Variants in NBPF8 observed in about 807,000 individuals in gnomAD.
The protein encoded by NBPF8 is NBPF member 8.
upstream of NBPF8, among the ~76,000 whole-genome samples, chr1:120,415,369 G>A (rs1553244968): frequency 3.6e-3 from 542 of 151,842 alleles, 2 homozygotes; most frequent in Admixed American, 6.1e-3. Flanking sequence ...TTTGTTGCGA[G>A]CGACGGAGGG....
At chr1:120,415,233 G>A (rs1428949174), upstream of NBPF8, among the ~76,000 whole-genome samples, 1 of 152,190 alleles carries the variant, frequency 6.6e-6, no homozygotes, top group African/African-American at 2.4e-5. Flanking sequence ...CCATCTGGAT[G>A]GGAAGTTACG....
chr1:120,425,733 TTTTA>T, intron 1 of NBPF8, among the ~76,000 whole-genome samples: 1 of 148,292 alleles, frequency 6.7e-6, no homozygotes, highest in Middle Eastern at 3.4e-3. Context: ...ACTGAACCAT[TTTTA>T]TTCTTCCAGA....
intron 1 of NBPF8, among the ~76,000 whole-genome samples, chr1:120,420,865 C>A (rs1285708158): frequency 3.4e-5 from 5 of 148,222 alleles, no homozygotes; most frequent in African/African-American, 1.3e-4. Context: ...ATGGAACCCA[C>A]CACTGCAGGC....
At chr1:120,463,209 G>A (rs1168682071) in intron 21 of NBPF8, among the ~76,000 whole-genome samples, 38 of 145,282 alleles carry the variant, frequency 2.6e-4, no homozygotes, top group African/African-American at 9.5e-4. Flanking sequence ...CCCGCTCTCA[G>A]CACATTGGAC....
intron 13 of NBPF8, among the ~76,000 whole-genome samples, chr1:120,452,825 C>G (rs1203027617): frequency 6.6e-6 from 1 of 152,136 alleles, no homozygotes; most frequent in African/African-American, 2.4e-5. Flanking sequence ...GATGAAGGCC[C>G]TCGCCGTGTG....
chr1:120,453,962 G>T (rs1364183370), exon 15 of NBPF8: 1 of 1,609,060 alleles, frequency 6.2e-7, no homozygotes, highest in Non-Finnish European at 8.5e-7. Flanking sequence ...CTGGAGGAAT[G>T]TGCCATCACT....
chr1:120,456,313 AT>A (rs1164255003), intron 16 of NBPF8, among the ~76,000 whole-genome samples: 7 of 150,276 alleles, frequency 4.7e-5, no homozygotes, highest in Non-Finnish European at 8.8e-5. Context: ...CAAGTCCTGG[AT>A]ATCCTTGTTA....
chr1:120,460,547 G>C, intron 17 of NBPF8, 26 bp from the exon 16 acceptor site: 1 of 1,329,750 alleles, frequency 7.5e-7, no homozygotes, highest in Non-Finnish European at 1.1e-6. Flanking sequence ...CTTAATGTAA[G>C]AGGGCCCATA....
At chr1:120,464,175 G>GTCTGTC (rs1553250604) in intron 22 of NBPF8, among the ~76,000 whole-genome samples, 5 of 85,752 alleles carry the variant, frequency 5.8e-5, no homozygotes, top group East Asian at 6.0e-4. Context: ...GTGTGTGTGT[G>GTCTGTC]TGTCTGTCTG....
At chr1:120,436,509 C>G (rs1291574744) in exon 1 of NBPF8, 1 of 1,504,988 alleles carries the variant, frequency 6.6e-7, no homozygotes, top group East Asian at 2.3e-5. Flanking sequence ...ACCTCTTCTG[C>G]CACAAACGTC....
chr1:120,460,734 C>A (rs61807118), intron 18 of NBPF8, 110 bp downstream of exon 16: 22 of 984,412 alleles, frequency 2.2e-5, no homozygotes, highest in Non-Finnish European at 3.2e-5. Context: ...TCAGACAAGT[C>A]TGAATTACGC....
At chr1:120,460,278 T>G (rs1430343745) in intron 17 of NBPF8, among the ~76,000 whole-genome samples, 1 of 152,170 alleles carries the variant, frequency 6.6e-6, no homozygotes, top group Non-Finnish European at 1.5e-5. Flanking sequence ...GTGTTAGAAC[T>G]ATTTGCCTAC....
At position 120,436,700 on chromosome 1, in the gene NBPF8, A is replaced by C. The variant is rs1185800296; in HGVS notation, n.345+3A>C. On this transcript the variant is annotated splice_donor_region_variant and intron_variant and non_coding_transcript_variant, in intron 1 of 24. Coordinates refer to ENST00000583271, the Ensembl canonical transcript of NBPF8. ...GGCCAACCGACAGAAGAAATACAGT[A>C]AGATCTATAGGCTCACCGTCATGAA... 1.6e-6 allele frequency: 2 copies of C among 1,254,238 alleles called. No individual in the cohort carries two copies. Among genetic ancestry groups the C allele is most frequent in the Admixed American group, 1.7e-5 (1 of 57,852 alleles). 77.7% of individuals were successfully genotyped at this position (1,254,238 alleles called of 1,614,324 possible). A position where few individuals can be genotyped will look rare whatever the true frequency, so the allele number is the denominator to read the frequency against.
chr1:120,422,937 A>G (rs1378631172), intron 1 of NBPF8, among the ~76,000 whole-genome samples: 20 of 94,662 alleles, frequency 2.1e-4, no homozygotes, highest in African/African-American at 1.1e-3. Flanking sequence ...TATCTTATTA[A>G]TGAGGTGTTC....
intron 11 of NBPF8, among the ~76,000 whole-genome samples, chr1:120,450,563 C>G (rs1661239052): frequency 6.6e-6 from 1 of 152,136 alleles, no homozygotes; most frequent in Non-Finnish European, 1.5e-5. Context: ...ACAGTAAACA[C>G]TATCTATTAG....
chr1:120,418,810 AGT>A (rs1256668498), upstream of NBPF8, among the ~76,000 whole-genome samples: 6 of 150,356 alleles, frequency 4.0e-5, no homozygotes, highest in African/African-American at 1.5e-4. Context: ...GGCATCTCAA[AGT>A]GTTGGGATTA....
intron 23 of NBPF8, 32 bp downstream of exon 21, chr1:120,464,580 C>T (rs1661691301): frequency 2.6e-6 from 2 of 777,436 alleles, no homozygotes; most frequent in East Asian, 2.4e-5. Context: ...TGATAAGGAT[C>T]CACTGAGTCT....
At chr1:120,424,627 TG>T (rs1660661884) in intron 1 of NBPF8, among the ~76,000 whole-genome samples, 1 of 151,716 alleles carries the variant, frequency 6.6e-6, no homozygotes, top group Admixed American at 6.6e-5. Flanking sequence ...TTTGTATTTT[TG>T]GTAGAGACAG....
At position 120,450,225 on chromosome 1, in the gene NBPF8, A is replaced by AAAT. The variant is rs1262795958; in HGVS notation, n.1971+839_1971+841dup. 2.9e-4 allele frequency among the ~76,000 whole-genome samples: 44 copies of AAAT among 151,968 alleles called. 1 individual carries two copies. Among genetic ancestry groups the AAAT allele is most frequent in the South Asian group, 1.0e-3 (5 of 4,800 alleles). On this transcript the variant is annotated intron_variant and non_coding_transcript_variant, in intron 11 of 24. Transcript: ENST00000583271. ...CTGGGCGACAGGGCAAGACTGTTAA[A>AAAT]AATAATAATAATAATAATGATAAAT...
Sources: allele counts gnomAD v4.1 joint callset (sites outside exome capture counted in the v4.1 genomes callset), GRCh38; gene constraint gnomAD v4.1.1; transcripts MANE v1.5; gene names NCBI Gene and HGNC (gene_info 2026-07-23, HGNC 2026-07-21).